The following ATPAF2 variants were observed in gnomAD, a reference collection of about 807,000 sequenced individuals.
The protein encoded by ATPAF2 is ATP synthase mitochondrial F1 complex assembly factor 2.
In ATPAF2, 30 loss-of-function variants were observed where a neutral mutation model predicts 36.6. The observed-to-expected ratio is 0.82, with a 90% CI of 0.61 to 1.11. ATPAF2 has a LOEUF of 1.11. Ranked by LOEUF, ATPAF2 falls within the 50% of genes most tolerant of loss-of-function variation. The pLI is 0.00. For synonymous variants in ATPAF2, 140 were observed against 152.6 expected (o/e 0.92, Z 0.61); for missense variants, 321 against 372.3 (o/e 0.86, Z 1.13).
At chr17:18,026,233 G>A (rs1009675455) in intron 4 of ATPAF2, 86 bp downstream of exon 4, 7 of 1,269,478 alleles carry the variant, frequency 5.5e-6, no homozygotes, top group African/African-American at 1.5e-5. Flanking sequence ...AAATGGAGAG[G>A]GTTTCTTCTT....
chr17:18,038,904 G>T lies in ATPAF2; in HGVS notation c.110C>A (p.Ala37Asp). Reference sequence around the variant, plus strand: ...ACCTGTCGGCGGGGCGTAAGCCCGGGCTGGAGACGGGATGGTTGGCCCCGG... The same window carrying T: ...ACCTGTCGGCGGGGCGTAAGCCCGGTCTGGAGACGGGATGGTTGGCCCCGG... ...MSPGPTIPSP[A>D]RAYAPPTERK... is the part of the protein sequence containing the mutation. Residue 37 changes from alanine to aspartate, a missense_variant, in exon 1 of 8, where the codon GCC becomes GAC. Physicochemically the swap from Ala to Asp is moderately radical, Grantham distance 126. This residue lies in a region of ATPAF2 where 69 missense variants were observed against 60.1 expected (regional missense o/e 1.15). Coordinates refer to ENST00000474627, the MANE Select transcript of ATPAF2 (RefSeq NM_145691.4). The T allele has an allele frequency of 3.1e-6, 5 of 1,614,060 alleles. No homozygotes were observed. The highest frequency in any genetic ancestry group is 4.2e-6 in the Non-Finnish European group (5 of 1,179,916).
intron 1 of ATPAF2, among the ~76,000 whole-genome samples, chr17:18,033,840 C>T (rs2044669897): frequency 6.6e-6 from 1 of 152,160 alleles, no homozygotes; most frequent in South Asian, 2.1e-4. Context: ...GACAAATAGG[C>T]TGGGCATGGT....
intron 1 of ATPAF2, among the ~76,000 whole-genome samples, chr17:18,032,130 G>A (rs2044645583): frequency 1.3e-5 from 2 of 152,220 alleles, no homozygotes. Context: ...TCAACACTGG[G>A]GAAAGGGTCT....
chr17:18,036,635 T>C lies in ATPAF2; in HGVS notation c.133+2246A>G, dbSNP rs144203925. On this transcript the variant is annotated intron_variant, in intron 1 of 7. Transcript: ENST00000474627. Reference sequence around the variant, plus strand: ...TGCACCTCCCTTCTCATTCATTCATTCCTATTTTCTTTCACATTTGACTAC... The same window carrying C: ...TGCACCTCCCTTCTCATTCATTCATCCCTATTTTCTTTCACATTTGACTAC... 1.4e-4 allele frequency among the ~76,000 whole-genome samples: 21 copies of C among 152,134 alleles called. No homozygotes were observed. In the East Asian group the frequency reaches 3.7e-3, roughly 27 times the overall value.
intron 1 of ATPAF2, among the ~76,000 whole-genome samples, chr17:18,037,905 A>G (rs916992718): frequency 7.2e-5 from 11 of 152,186 alleles, no homozygotes; most frequent in African/African-American, 2.7e-4. Context: ...CTCATCTATC[A>G]TGGCTCAGCT....
chr17:18,015,188 T>C (rs2044311904), downstream of ATPAF2: 2 of 152,240 alleles, frequency 1.3e-5, no homozygotes, highest in Admixed American at 1.3e-4. Context: ...AAGAATACTT[T>C]TTTTGGCAGA....
chr17:18,016,435 G>T (rs9913277), downstream of ATPAF2: 338,022 of 808,258 alleles, frequency 0.42, 82,472 homozygotes, highest in East Asian at 0.89. Context: ...CTGGGGAGGC[G>T]CTGAAGCAAA....
At chr17:18,027,348 C>CA (rs2044562903) in intron 3 of ATPAF2, among the ~76,000 whole-genome samples, 2 of 152,140 alleles carry the variant, frequency 1.3e-5, no homozygotes, top group Non-Finnish European at 2.9e-5. Context: ...CCAACCACCT[C>CA]AGCAGGCTGT....
rs1197379372 is a variant in ATPAF2, at chr17:18,028,666, G to T, written c.134-7C>A. 1 of 1,612,810 alleles carries T rather than the reference G, an allele frequency of 6.2e-7. No homozygotes were observed. The highest frequency in any genetic ancestry group is 1.1e-5 in the South Asian group (1 of 91,032). On this transcript the variant is annotated splice_polypyrimidine_tract_variant and splice_region_variant and intron_variant, in intron 1 of 7. Coordinates refer to ENST00000474627, the MANE Select transcript of ATPAF2 (RefSeq NM_145691.4). Reference sequence around the variant, plus strand: ...TGATAAAACCTCTTCCTTTCTGTAAGAAAGATTTTTCAAAGAGGCAGTTTA... The same window carrying T: ...TGATAAAACCTCTTCCTTTCTGTAATAAAGATTTTTCAAAGAGGCAGTTTA...
intron 6 of ATPAF2, 64 bp from the exon 7 acceptor site, chr17:18,021,302 A>T: frequency 8.2e-7 from 1 of 1,223,850 alleles, no homozygotes; most frequent in Admixed American, 1.9e-5. Flanking sequence ...ACCCCTTGTG[A>T]GTCCCAGCAG....
intron 1 of ATPAF2, among the ~76,000 whole-genome samples, chr17:18,035,345 TA>T (rs1356107756): frequency 3.3e-5 from 5 of 152,204 alleles, no homozygotes; most frequent in African/African-American, 1.2e-4. Context: ...GGGAAATCTA[TA>T]AAAGAACAAA....
intron 1 of ATPAF2, among the ~76,000 whole-genome samples, chr17:18,037,723 G>A (rs6502633): frequency 2.0e-5 from 3 of 152,054 alleles, no homozygotes; most frequent in Non-Finnish European, 2.9e-5. Context: ...GACCTCAGAG[G>A]TTCAGCCAGC....
At chr17:18,016,768 T>C, downstream of ATPAF2, 1 of 675,678 alleles carries the variant, frequency 1.5e-6, no homozygotes. Context: ...AGAGAGTTGC[T>C]GGGCATCTCT....
rs535658717 is a variant in ATPAF2, at chr17:18,038,580, T to C, written c.133+301A>G. Among the ~76,000 whole-genome samples the C allele has an allele frequency of 4.6e-5, 7 of 152,296 alleles. No individual in the cohort carries two copies. The South Asian group carries it at 1.4e-3, about 32-fold the overall frequency. ...CGAAGTCCTGATTCAGAGCCCAAACTTCCCCTTTTGAAAACAAAGATGACA... is the reference window on the plus strand; with the variant it reads ...CGAAGTCCTGATTCAGAGCCCAAACCTCCCCTTTTGAAAACAAAGATGACA... On this transcript the variant is annotated intron_variant, in intron 1 of 7. Transcript: ENST00000474627.
At position 18,018,594 on chromosome 17, in the gene ATPAF2, G is replaced by C; in HGVS notation, c.825C>G (p.Leu275=). 2 of 1,614,018 alleles carry C rather than the reference G, an allele frequency of 1.2e-6. No homozygotes were observed. The highest frequency in any genetic ancestry group is 1.7e-6 in the Non-Finnish European group (2 of 1,180,034). The change falls in exon 8 of 8, where the codon CTC becomes CTG. Residue 275 remains leucine, a synonymous_variant. Coordinates refer to ENST00000474627, the MANE Select transcript of ATPAF2 (RefSeq NM_145691.4). ...RTAAGTLFIH[L]CSESTTVKHK... is the part of the protein sequence containing the mutation. ...GCTTGACTGTGGTGCTCTCGGAGCA[G>C]AGATGGATGAAGAGGGTGCCGGCGG...
At chr17:18,027,899 A>T in intron 3 of ATPAF2, 1 of 370,710 alleles carries the variant, frequency 2.7e-6, no homozygotes, top group South Asian at 2.6e-5. Context: ...CAAACATAAA[A>T]CAATTATAAA....
intron 1 of ATPAF2, among the ~76,000 whole-genome samples, chr17:18,034,262 G>A (rs2044674692): frequency 6.6e-6 from 1 of 152,058 alleles, no homozygotes; most frequent in African/African-American, 2.4e-5. Flanking sequence ...AAGTCAGCTG[G>A]GCATGGTGGC....
intron 1 of ATPAF2, among the ~76,000 whole-genome samples, chr17:18,031,685 C>T (rs2044638363): frequency 6.6e-6 from 1 of 152,068 alleles, no homozygotes; most frequent in South Asian, 2.1e-4. Context: ...GAGGCTGAGG[C>T]AGGAGAATGG....
rs768939307 is a variant in ATPAF2, at chr17:18,021,118, C to T, written c.732+5G>A. On this transcript the variant is annotated splice_donor_5th_base_variant and intron_variant, in intron 7 of 7. Coordinates refer to ENST00000474627, the MANE Select transcript of ATPAF2 (RefSeq NM_145691.4). ...GGAGGCGGGACCTGAGGTGCTGCTC[C>T]TCACCTGGTACTCCTCCTCCAGGCG... 6.2e-6 allele frequency: 10 copies of T among 1,611,592 alleles called. No homozygotes were observed. The Admixed American group carries it at 1.5e-4, about 24-fold the overall frequency.
Sources: allele counts gnomAD v4.1 joint callset (sites outside exome capture counted in the v4.1 genomes callset), GRCh38; gene constraint gnomAD v4.1.1; regional missense constraint gnomAD v4.1.1; transcripts MANE v1.5; gene names NCBI Gene and HGNC (gene_info 2026-07-23, HGNC 2026-07-21).